Variants in SELE observed in about 807,000 individuals in gnomAD.
SELE encodes the protein selectin E.
In SELE, 52 loss-of-function variants were observed where a neutral mutation model predicts 75.8. That is an observed-to-expected ratio of 0.69 (90% CI 0.55 to 0.86). SELE has a LOEUF of 0.86. Ranked by LOEUF, SELE falls within the 40% of genes least tolerant of loss-of-function variation. The pLI, the probability that SELE is intolerant of heterozygous loss-of-function variation, is 0.00. For missense variants in SELE, 754 were observed against 732.7 expected (o/e 1.03, Z -0.34); for synonymous variants, 285 against 258.7 (o/e 1.10, Z -0.98).
Position 169,728,152 on chromosome 1 carries a change from C to T in SELE, c.1185G>A (p.Glu395=), listed in dbSNP as rs764071248. The part of the protein sequence containing the change: ...SGSFRYGSSC[E]FSCEQGFVLK... ...ACACAAAACCCTGCTCACAGGAGAA[C>T]TCACAGCTGGACCCATAACGGAAAC... is the stretch of plus-strand genomic sequence containing the variant. The change falls in exon 8 of 14, where the codon GAG becomes GAA. Residue 395 remains glutamate (E), a synonymous_variant. Transcript: ENST00000333360. 6.2e-6 allele frequency: 10 copies of T among 1,614,232 alleles called. No homozygotes were observed. The highest frequency in any genetic ancestry group is 1.1e-5 in the South Asian group (1 of 91,090).
chr1:169,727,544 C>A lies in SELE; in HGVS notation c.1469-19G>T. On this transcript the variant is annotated intron_variant, in intron 9 of 13. Transcript: ENST00000333360. ...TTTACCACTGCAAATGTTAGGTACA[C>A]AGGCAGAGTTTCAGAAAAATCTACT... The A allele has an allele frequency of 6.3e-7, 1 of 1,594,790 alleles. No individual in the cohort carries two copies.
chr1:169,728,518 C>T (rs1204658787), intron 7 of SELE, among the ~76,000 whole-genome samples: 1 of 152,190 alleles, frequency 6.6e-6, no homozygotes, highest in Non-Finnish European at 1.5e-5. Context: ...GGAAAGATTT[C>T]ACGCAGTCTG....
intron 3 of SELE, 103 bp downstream of exon 3, chr1:169,732,512 G>T: frequency 1.5e-6 from 2 of 1,368,846 alleles, no homozygotes; most frequent in Admixed American, 2.5e-5. Flanking sequence ...GAATCTTTTG[G>T]AACATAAAAT....
At chr1:169,725,995 G>A in intron 11 of SELE, 67 bp from the exon 12 acceptor site, 3 of 1,555,530 alleles carry the variant, frequency 1.9e-6, no homozygotes, top group South Asian at 2.2e-5. Flanking sequence ...ATTAAATCCA[G>A]ATACAATATG....
At chr1:169,732,337 GTA>G (rs1052284876) in intron 3 of SELE, among the ~76,000 whole-genome samples, 28 of 145,512 alleles carry the variant, frequency 1.9e-4, no homozygotes, top group African/African-American at 7.1e-4. Context: ...ATGTGTGTAT[GTA>G]TATATATAAA....
chr1:169,733,073 T>C (rs926588750), intron 2 of SELE, 75 bp from the exon 3 acceptor site: 4 of 1,429,584 alleles, frequency 2.8e-6, no homozygotes, highest in Non-Finnish European at 2.8e-6. Context: ...GTGCTTTTTA[T>C]TGTCTTATTT....
chr1:169,725,588 A>C, intron 13 of SELE, 141 bp downstream of exon 13: 1 of 633,314 alleles, frequency 1.6e-6, no homozygotes, highest in Non-Finnish European at 2.8e-6. Flanking sequence ...AAAATAAAGC[A>C]ACTTTCCAGA....
At position 169,728,135 on chromosome 1, in the gene SELE, C is replaced by A. The variant is rs1464889803; in HGVS notation, c.1202G>T (p.Gly401Val). The A allele has an allele frequency of 1.9e-6, 3 of 1,614,204 alleles. No individual in the cohort carries two copies. Among genetic ancestry groups the A allele is most frequent in the Admixed American group, 1.7e-5 (1 of 60,026 alleles). Residue 401 changes from glycine to valine, a missense_variant, in exon 8 of 14, where the codon GGT (glycine) becomes GTT (valine). By Grantham distance (109) the Gly-to-Val change is moderately radical. Coordinates refer to ENST00000333360, the MANE Select transcript of SELE (RefSeq NM_000450.2). ...CCTTTTGGATCCCTTCAACACAAAA[C>A]CCTGCTCACAGGAGAACTCACAGCT... ...GSSCEFSCEQ[G>V]FVLKGSKRLQ...
Position 169,728,179 on chromosome 1 carries a change from G to A in SELE, c.1158C>T (p.Gly386=), listed in dbSNP as rs749660273. The A allele has an allele frequency of 1.9e-6, 3 of 1,614,188 alleles. No homozygotes were observed. The highest frequency in any genetic ancestry group is 1.1e-5 in the South Asian group (1 of 91,084). ...GYMNCLPSAS[G]SFRYGSSCEF... ...CACAGCTGGACCCATAACGGAAACT[G>A]CCAGAAGCACTAGGAAGACAATTCA... The change falls in exon 8 of 14, where the codon GGC becomes GGT. Residue 386 remains glycine (G), a synonymous_variant. Coordinates refer to ENST00000333360, the MANE Select transcript of SELE (RefSeq NM_000450.2).
intron 4 of SELE, 32 bp downstream of exon 4, chr1:169,731,803 C>T: frequency 6.8e-7 from 1 of 1,462,184 alleles, no homozygotes; most frequent in Non-Finnish European, 9.6e-7. Flanking sequence ...GCTACCATCT[C>T]AAGTGAAGAA....
intron 13 of SELE, among the ~76,000 whole-genome samples, chr1:169,724,993 A>G (rs978005874): frequency 2.6e-5 from 4 of 152,196 alleles, no homozygotes; most frequent in African/African-American, 9.7e-5. Context: ...TTAGAACCAG[A>G]CTGCCAGAGT....
chr1:169,727,226 CACA>C, intron 10 of SELE, 120 bp downstream of exon 10: 1 of 1,039,308 alleles, frequency 9.6e-7, no homozygotes. Flanking sequence ...ACTTAATATT[CACA>C]ACTTGTCAAC....
intron 1 of SELE, 116 bp downstream of exon 1, chr1:169,733,855 C>T: frequency 1.8e-6 from 1 of 556,388 alleles, no homozygotes; most frequent in Non-Finnish European, 3.2e-6. Context: ...AGAGAAAAGA[C>T]AGGTTTTAGC....
rs991943801 is a variant in SELE at position 169,731,946 on chromosome 1, C to A, written c.422-4G>T. 1 of 1,593,822 alleles carries A rather than the reference C, an allele frequency of 6.3e-7. No homozygotes were observed. The highest frequency in any genetic ancestry group is 8.6e-7 in the Non-Finnish European group (1 of 1,161,926). On this transcript the variant is annotated splice_region_variant and splice_polypyrimidine_tract_variant and intron_variant, in intron 3 of 13. Coordinates refer to ENST00000333360, the MANE Select transcript of SELE (RefSeq NM_000450.2). ...CAGGATGTATTGGTACAGGCAGCTA[C>A]GGAAAATACAAAGCATGATGAGGAG...
At chr1:169,731,712 G>A (rs3917454) in intron 4 of SELE, 123 bp downstream of exon 4, 20,028 of 626,050 alleles carry the variant, frequency 0.032, 442 homozygotes, top group Non-Finnish European at 0.043. Flanking sequence ...CTCAGCTCAC[G>A]ATCACCATAT....
intron 7 of SELE, among the ~76,000 whole-genome samples, chr1:169,728,839 C>G (rs1192138545): frequency 6.6e-6 from 1 of 152,184 alleles, no homozygotes; most frequent in African/African-American, 2.4e-5. Context: ...TTTCAGAAGA[C>G]AGGTGTGATG....
Position 169,726,751 on chromosome 1 carries a change from G to C in SELE, c.1701C>G (p.Ser567=). 6.2e-7 allele frequency: 1 copy of C among 1,613,922 alleles called. No individual in the cohort carries two copies. Among genetic ancestry groups the C allele is most frequent in the Non-Finnish European group, 8.5e-7 (1 of 1,179,926 alleles). ...LVAGLSAAGL[S]LLTLAPFLLW... is the part of the protein sequence containing the mutation. ...GGAGAAATGGTGCTAATGTCAGGAG[G>C]GAGAGTCCAGCAGCAGAAAGTCCAG... The change falls in exon 11 of 14, where the codon TCC becomes TCG. Residue 567 remains serine, a synonymous_variant. Coordinates refer to ENST00000333360, the MANE Select transcript of SELE (RefSeq NM_000450.2).
At chr1:169,725,583 A>T (rs1648719671) in intron 13 of SELE, 146 bp downstream of exon 13, 2 of 596,938 alleles carry the variant, frequency 3.4e-6, no homozygotes, top group Non-Finnish European at 5.9e-6. Context: ...TACAAAAAAT[A>T]AAGCAACTTT....
Position 169,727,903 on chromosome 1 carries a change from T to C in SELE, c.1304A>G (p.Gln435Arg). ...ACACCTCACCAAACCCTTCGGGGGC[T>C]GGTGGACAGCATCGCATCTCACAGC... ...CEAVRCDAVH[Q>R]PPKGLVRCAH... The change falls in exon 9 of 14, where the codon CAG (glutamine) becomes CGG (arginine). Residue 435 changes from glutamine (Q) to arginine (R), a missense_variant. Gln to Arg is a conservative substitution (Grantham distance 43). Transcript: ENST00000333360. 6.2e-7 allele frequency: 1 copy of C among 1,613,944 alleles called. No individual in the cohort carries two copies. Among genetic ancestry groups the C allele is most frequent in the Non-Finnish European group, 8.5e-7 (1 of 1,179,898 alleles).
Sources: gnomAD v4.1 joint callset for allele counts (sites outside exome capture counted in the v4.1 genomes callset) on GRCh38, gnomAD v4.1.1 for gene constraint, MANE v1.5 for transcripts, NCBI Gene and HGNC (gene_info 2026-07-23, HGNC 2026-07-21) for gene names.